Variants in XKR9 observed in about 807,000 individuals in gnomAD.
XKR9 encodes XK-related protein 9.
In XKR9, 32 loss-of-function variants were observed where a neutral mutation model predicts 32.0. The ratio of observed to expected loss-of-function variants is 1.00; its 90% CI spans 0.76 to 1.34. The LOEUF (loss-of-function observed/expected upper bound fraction) is 1.34, where lower values mean the gene tolerates loss of function less well. XKR9 is among the 40% of genes most tolerant of loss of function. The pLI is 0.00. For synonymous variants in XKR9, 168 were observed against 143.4 expected (o/e 1.17, Z -1.22); for missense variants, 546 against 429.7 (o/e 1.27, Z -2.39).
At chr8:70,686,096 C>T (rs1819267583) in intron 3 of XKR9, among the ~76,000 whole-genome samples, 2 of 151,978 alleles carry the variant, frequency 1.3e-5, no homozygotes, top group African/African-American at 4.8e-5. Context: ...AGTCTACTGG[C>T]AACAAGTTTC....
intron 2 of XKR9, among the ~76,000 whole-genome samples, chr8:70,676,596 T>G (rs1465436936): frequency 6.6e-6 from 1 of 152,222 alleles, no homozygotes; most frequent in East Asian, 1.9e-4. Context: ...ATGTTCTGCC[T>G]GACTAAATTA....
intron 2 of XKR9, among the ~76,000 whole-genome samples, chr8:70,758,760 G>A (rs777506671): frequency 3.6e-4 from 55 of 152,180 alleles, no homozygotes; most frequent in Non-Finnish European, 5.9e-4. Flanking sequence ...TCAATAGCTA[G>A]CATTTTAAAT....
rs1818623347 is a variant in XKR9, at chr8:70,669,549, C to T, written c.-361+11C>T. 1 of 198,554 alleles carries T rather than the reference C, an allele frequency of 5.0e-6. No homozygotes were observed. Among genetic ancestry groups the T allele is most frequent in the Non-Finnish European group, 1.0e-5 (1 of 96,848 alleles). 12.3% of individuals were successfully genotyped at this position (198,554 alleles called of 1,614,324 possible). ...TGATTTGGGAGACAGGTTTGGTAAC[C>T]GTTCGTTATTCAGTAATAAATGTCA... On this transcript the variant is annotated intron_variant, in intron 1 of 4. Transcript: ENST00000408926.
the XKR9 span, among the ~76,000 whole-genome samples, chr8:70,896,382 A>G: frequency 4.6e-5 from 7 of 152,188 alleles, no homozygotes; most frequent in African/African-American, 1.7e-4. Flanking sequence ...ATACAGTAAT[A>G]TTTAGATTTT....
downstream of XKR9, among the ~76,000 whole-genome samples, chr8:70,791,604 C>T (rs1308159652): frequency 6.6e-6 from 1 of 151,960 alleles, no homozygotes; most frequent in Non-Finnish European, 1.5e-5. Flanking sequence ...CTCTTTCTTT[C>T]TCTTTCCCCC....
the XKR9 span, among the ~76,000 whole-genome samples, chr8:70,842,363 A>T: frequency 1.3e-5 from 2 of 152,288 alleles, no homozygotes; most frequent in South Asian, 2.1e-4. Flanking sequence ...TTTCCTTGCC[A>T]AGACCTGGAT....
At chr8:70,998,998 C>T in the XKR9 span, among the ~76,000 whole-genome samples, 2 of 152,280 alleles carry the variant, frequency 1.3e-5, no homozygotes, top group South Asian at 2.1e-4. Flanking sequence ...AAAGTTGGTC[C>T]TCCATATCCA....
At position 70,754,937 on chromosome 8, in the gene XKR9, T is replaced by G. The variant is rs1340901922; in HGVS notation, n.353-34402T>G. ...TGGGATCTAATTAAACTGAAGAGCT[T>G]CTGCACAGCAAAAGAAACTACCATC... On this transcript the variant is annotated intron_variant and non_coding_transcript_variant, in intron 2 of 3. Transcript: ENST00000520273. Among the ~76,000 whole-genome samples, 4 of 152,100 alleles carry G rather than the reference T, an allele frequency of 2.6e-5. No individual in the cohort carries two copies. In the East Asian group the frequency reaches 7.7e-4, roughly 29 times the overall value.
chr8:70,697,958 T>C (rs1805350051), intron 3 of XKR9, among the ~76,000 whole-genome samples: 10 of 152,092 alleles, frequency 6.6e-5, no homozygotes, highest in Admixed American at 6.5e-4. Flanking sequence ...CTAGATTTTC[T>C]AGTTTATTTG....
At chr8:71,017,893 G>T in the XKR9 span, among the ~76,000 whole-genome samples, 1 of 152,294 alleles carries the variant, frequency 6.6e-6, no homozygotes, top group East Asian at 1.9e-4. Context: ...CTTCATCATA[G>T]TTTTTTGTTG....
chr8:70,887,781 G>A, the XKR9 span, among the ~76,000 whole-genome samples: 1 of 152,058 alleles, frequency 6.6e-6, no homozygotes. Context: ...ATTGTATCCT[G>A]AGACTTTTCT....
At chr8:71,024,139 G>A in the XKR9 span, among the ~76,000 whole-genome samples, 1 of 152,204 alleles carries the variant, frequency 6.6e-6, no homozygotes, top group African/African-American at 2.4e-5. Context: ...TGTTCAATGT[G>A]TTTGGGTGAC....
the XKR9 span, among the ~76,000 whole-genome samples, chr8:70,828,702 C>A: frequency 1.5e-5 from 2 of 130,174 alleles, no homozygotes; most frequent in African/African-American, 5.9e-5. Flanking sequence ...GCCTGGGTGA[C>A]AGAGGAAGAC....
the XKR9 span, among the ~76,000 whole-genome samples, chr8:70,880,807 T>C: frequency 6.6e-6 from 1 of 152,186 alleles, no homozygotes; most frequent in Non-Finnish European, 1.5e-5. Context: ...AGAGCCCGTA[T>C]AACCAAGACA....
chr8:70,779,117 T>C (rs1302279054), intron 2 of XKR9, among the ~76,000 whole-genome samples: 2 of 152,154 alleles, frequency 1.3e-5, no homozygotes, highest in African/African-American at 4.8e-5. Flanking sequence ...TTTTGAGATA[T>C]GTTCCATCAA....
At chr8:70,706,857 C>T in intron 3 of XKR9, 76 bp from the exon 4 acceptor site, 1 of 1,116,664 alleles carries the variant, frequency 9.0e-7, no homozygotes, top group Non-Finnish European at 1.2e-6. Flanking sequence ...TTCCTTTTTC[C>T]AAATTATTAT....
the XKR9 span, among the ~76,000 whole-genome samples, chr8:70,891,554 C>T: frequency 6.6e-6 from 1 of 151,906 alleles, no homozygotes; most frequent in Non-Finnish European, 1.5e-5. Context: ...ACTCATTGGA[C>T]ATTCATAGCA....
chr8:71,059,701 C>T, the XKR9 span, among the ~76,000 whole-genome samples: 36 of 152,258 alleles, frequency 2.4e-4, no homozygotes, highest in African/African-American at 8.7e-4. Context: ...CGCCCAGTAA[C>T]CCAGGTAACT....
At chr8:70,830,293 C>T in the XKR9 span, among the ~76,000 whole-genome samples, 2 of 152,100 alleles carry the variant, frequency 1.3e-5, no homozygotes, top group South Asian at 2.1e-4. Flanking sequence ...TAAGAAGTCA[C>T]TCACAGGCCA....
Sources: allele counts gnomAD v4.1 joint callset (sites outside exome capture counted in the v4.1 genomes callset), GRCh38; gene constraint gnomAD v4.1.1; transcripts MANE v1.5; gene names NCBI Gene and HGNC (gene_info 2026-07-23, HGNC 2026-07-21).